TAFA2: variants seen among roughly 807,000 people sequenced by gnomAD.
TAFA2 encodes TAFA chemokine like family member 2.
Under a neutral mutation model 18.8 loss-of-function variants are expected in TAFA2, and 7 were observed. The ratio of observed to expected loss-of-function variants is 0.37; its 90% CI spans 0.21 to 0.70. The LOEUF is 0.70. Ranked by LOEUF, TAFA2 falls within the 30% of genes least tolerant of loss-of-function variation. TAFA2 has a pLI of 0.53. For synonymous variants in TAFA2, 60 were observed against 54.2 expected, an observed-to-expected ratio of 1.11 and a Z score of -0.47; for missense variants, 122 against 158.1, an observed-to-expected ratio of 0.77 and a Z score of 1.23.
chr12:61,995,680 C>T (rs2136694087), intron 1 of TAFA2, among the ~76,000 whole-genome samples: 1 of 151,974 alleles, frequency 6.6e-6, no homozygotes, highest in East Asian at 1.9e-4. Context: ...TATGTGATTC[C>T]ATTTATATGA....
chr12:61,775,946 G>A (rs1870242651), intron 2 of TAFA2: 1 of 225,934 alleles, frequency 4.4e-6, no homozygotes, highest in Non-Finnish European at 9.2e-6. Flanking sequence ...ATGGAAAGAG[G>A]AGAGACACCT....
chr12:61,709,389 A>G lies in TAFA2; in HGVS notation c.*1017T>C, dbSNP rs536135543. 7 of 152,238 alleles carry G rather than the reference A, an allele frequency of 4.6e-5. 1 individual carries two copies. In the South Asian group the frequency reaches 8.3e-4, roughly 18 times the overall value. The allele number at this position is 152,238 out of a possible 1,614,324, so 9.4% of individuals were successfully genotyped here. ...TGAACAAATATATAAGCATTCAAAC[A>G]GTCATTGGGATCAAGCAAAAGAAAG... On this transcript the variant is annotated 3_prime_UTR_variant, in exon 5 of 5. Transcript: ENST00000416284.
intron 2 of TAFA2, among the ~76,000 whole-genome samples, chr12:61,781,552 C>G (rs1870504867): frequency 6.6e-6 from 1 of 151,664 alleles, no homozygotes. Context: ...ATTCCATTTT[C>G]CTTTCTATAA....
intron 2 of TAFA2, among the ~76,000 whole-genome samples, chr12:61,856,438 TAAAAG>T (rs1019453481): frequency 1.3e-5 from 2 of 151,876 alleles, no homozygotes; most frequent in African/African-American, 4.8e-5. Context: ...AATCACAACT[TAAAAG>T]AGGATGAAAT....
chr12:61,984,784 A>T (rs1309711553), intron 1 of TAFA2, among the ~76,000 whole-genome samples: 1 of 152,206 alleles, frequency 6.6e-6, no homozygotes, highest in Non-Finnish European at 1.5e-5. Context: ...TTCAGTGGTT[A>T]TATAACTTGT....
In TAFA2 at chr12:61,968,094, T is replaced by C. The variant is rs373812144; in HGVS notation, c.-1-100668A>G. ...CATATTCCCTGACCCCTTCTGATATTAGATGCTCTTCTAGATAGCAGTAGA... is the reference window on the plus strand; with the variant it reads ...CATATTCCCTGACCCCTTCTGATATCAGATGCTCTTCTAGATAGCAGTAGA... On this transcript the variant is annotated intron_variant, in intron 1 of 4. Coordinates refer to ENST00000416284, the MANE Select transcript of TAFA2 (RefSeq NM_178539.5). Among the ~76,000 whole-genome samples, 23 of 151,946 alleles carry C rather than the reference T, an allele frequency of 1.5e-4. No homozygotes were observed. The South Asian group carries it at 2.1e-3, about 14-fold the overall frequency.
intron 1 of TAFA2, among the ~76,000 whole-genome samples, chr12:62,131,888 T>C (rs2136895271): frequency 6.6e-6 from 1 of 152,112 alleles, no homozygotes; most frequent in Non-Finnish European, 1.5e-5. Flanking sequence ...GTTTCTATGA[T>C]GACTGTTTCA....
intron 1 of TAFA2, among the ~76,000 whole-genome samples, chr12:61,871,728 TTTCAC>T (rs1361086682): frequency 6.6e-6 from 1 of 152,216 alleles, no homozygotes; most frequent in African/African-American, 2.4e-5. Context: ...CTGTTACATA[TTTCAC>T]TTATGTACAC....
At chr12:62,201,690 T>C (rs1248960916) in intron 1 of TAFA2, among the ~76,000 whole-genome samples, 1 of 152,004 alleles carries the variant, frequency 6.6e-6, no homozygotes, top group Non-Finnish European at 1.5e-5. Flanking sequence ...GCCTGAACTT[T>C]GTTGTTGTTG....
intron 1 of TAFA2, among the ~76,000 whole-genome samples, chr12:62,071,152 A>G (rs1355856543): frequency 6.6e-6 from 1 of 152,180 alleles, no homozygotes; most frequent in Non-Finnish European, 1.5e-5. Flanking sequence ...CAGCCTAGTG[A>G]TCAGAGGGTA....
chr12:61,751,525 A>G (rs189296400), intron 4 of TAFA2, among the ~76,000 whole-genome samples: 2 of 152,160 alleles, frequency 1.3e-5, no homozygotes, highest in Admixed American at 1.3e-4. Flanking sequence ...ACTCTTAGAA[A>G]TAGAGGGTAT....
chr12:61,923,853 A>C (rs891158589), intron 1 of TAFA2, among the ~76,000 whole-genome samples: 3 of 152,002 alleles, frequency 2.0e-5, no homozygotes, highest in African/African-American at 7.2e-5. Flanking sequence ...AAAAGGTTAC[A>C]GGAACTGCTA....
intron 1 of TAFA2, among the ~76,000 whole-genome samples, chr12:62,107,625 G>C (rs1244766159): frequency 6.6e-6 from 1 of 152,116 alleles, no homozygotes; most frequent in Non-Finnish European, 1.5e-5. Context: ...TAGAAGATCT[G>C]GAAGAATAAT....
chr12:62,146,428 C>T (rs1019714857), intron 1 of TAFA2, among the ~76,000 whole-genome samples: 6 of 151,960 alleles, frequency 3.9e-5, no homozygotes, highest in African/African-American at 1.5e-4. Flanking sequence ...GGACTACAGG[C>T]ATGCCACCAC....
At chr12:61,906,267 G>A (rs546018655) in intron 1 of TAFA2, among the ~76,000 whole-genome samples, 2 of 152,280 alleles carry the variant, frequency 1.3e-5, no homozygotes, top group African/African-American at 4.8e-5. Context: ...ATCCGCAAAT[G>A]TCATGGGAGG....
intron 1 of TAFA2, among the ~76,000 whole-genome samples, chr12:62,053,881 C>T (rs348632): frequency 0.83 from 125,684 of 152,250 alleles, 52,064 homozygotes; most frequent in Middle Eastern, 0.87. Flanking sequence ...TAATCCACTA[C>T]AAACAGAGCT....
At chr12:62,094,699 T>C (rs146157651) in intron 1 of TAFA2, among the ~76,000 whole-genome samples, 4 of 152,126 alleles carry the variant, frequency 2.6e-5, no homozygotes, top group Admixed American at 2.6e-4. Flanking sequence ...TCATTCCATC[T>C]TTATAAGAAA....
At chr12:62,153,554 T>C (rs2062344825) in intron 1 of TAFA2, among the ~76,000 whole-genome samples, 1 of 151,888 alleles carries the variant, frequency 6.6e-6, no homozygotes, top group Admixed American at 6.6e-5. Context: ...ACTGTCATCC[T>C]AGCTACTTTG....
intron 1 of TAFA2, among the ~76,000 whole-genome samples, chr12:61,872,604 A>C (rs1222197716): frequency 6.6e-6 from 1 of 152,102 alleles, no homozygotes; most frequent in Non-Finnish European, 1.5e-5. Flanking sequence ...CTGGAGAAAA[A>C]AACCAACATC....
Sources: allele counts gnomAD v4.1 joint callset (sites outside exome capture counted in the v4.1 genomes callset), GRCh38; gene constraint gnomAD v4.1.1; transcripts MANE v1.5; gene names NCBI Gene and HGNC (gene_info 2026-07-23, HGNC 2026-07-21).